TP73: variants seen among roughly 807,000 people sequenced by gnomAD.
The protein encoded by TP73 is tumor protein p73, also known as p53-like transcription factor.
In TP73, 25 loss-of-function variants were observed where a neutral mutation model predicts 62.5. The ratio of observed to expected loss-of-function variants is 0.40; its 90% CI spans 0.29 to 0.56. The LOEUF is 0.56. Among genes scored for constraint, TP73 ranks in the 20% least tolerant of loss-of-function variants. The probability of loss-of-function intolerance (pLI) is 0.46; values close to 1 mark genes in which losing one functional copy is unlikely to be tolerated. For missense variants in TP73, 754 were observed against 913.3 expected, an observed-to-expected ratio of 0.83 and a Z score of 2.25; for synonymous variants, 423 against 377.5, an observed-to-expected ratio of 1.12 and a Z score of -1.40.
At chr1:3,686,836 A>G (rs774827523) in intron 3 of TP73, among the ~76,000 whole-genome samples, 2 of 152,154 alleles carry the variant, frequency 1.3e-5, no homozygotes, top group Non-Finnish European at 1.5e-5. Context: ...AAAGAATTAC[A>G]TAGCCCTCTG....
chr1:3,674,549 C>T (rs886619621), intron 1 of TP73, among the ~76,000 whole-genome samples: 2 of 152,246 alleles, frequency 1.3e-5, no homozygotes, highest in Non-Finnish European at 2.9e-5. Flanking sequence ...GCCGTCCTGG[C>T]AACCCTGTCT....
chr1:3,671,553 G>A lies in TP73; in HGVS notation c.-33-10780G>A, dbSNP rs12023175. The stretch of plus-strand genomic sequence containing the variant: ...TCGTTGTCTGCCCTGCAGGAGCCGG[G>A]GCCTCCAGAGGACGGGCTGCCTGGC... On this transcript the variant is annotated intron_variant, in intron 1 of 13. Coordinates refer to ENST00000378295, the MANE Select transcript of TP73 (RefSeq NM_005427.4). Among the ~76,000 whole-genome samples, 139 of 152,348 alleles carry A rather than the reference G, an allele frequency of 9.1e-4. 4 individuals are homozygous for A. In the East Asian group the frequency reaches 0.026, roughly 28 times the overall value.
At position 3,728,199 on chromosome 1, in the gene TP73, G is replaced by A; in HGVS notation, c.1056G>A (p.Glu352=). The change falls in exon 9 of 14, where the codon GAG becomes GAA. Residue 352 remains glutamate (E), a synonymous_variant. Coordinates refer to ENST00000378295, the MANE Select transcript of TP73 (RefSeq NM_005427.4). The stretch of plus-strand genomic sequence containing the variant: ...TGAAGAAGCGGCGGCATGGAGACGA[G>A]GACACGTACTACCTTCAGGTGAGTG... ...AGVKKRRHGD[E]DTYYLQVRGR... 6.2e-7 allele frequency: 1 copy of A among 1,611,938 alleles called. No homozygotes were observed. The highest frequency in any genetic ancestry group is 8.5e-7 in the Non-Finnish European group (1 of 1,179,962).
At chr1:3,709,891 G>A (rs1236697358) in intron 4 of TP73, among the ~76,000 whole-genome samples, 1 of 152,196 alleles carries the variant, frequency 6.6e-6, no homozygotes, top group Non-Finnish European at 1.5e-5. Context: ...CATGTGGTCT[G>A]AGCTGATCCT....
In TP73 at chr1:3,707,653, G is replaced by A. The variant is rs772149346; in HGVS notation, c.291G>A (p.Ser97=). The change falls in exon 4 of 14, where the codon TCG becomes TCA. Residue 97 remains serine, a synonymous_variant. Coordinates refer to ENST00000378295, the MANE Select transcript of TP73 (RefSeq NM_005427.4). ...ACGCCGCCAGCGTGCCCACCCACTC[G>A]CCCTACGCACAACCCAGCTCCACCT... is the stretch of plus-strand genomic sequence containing the variant. The part of the protein sequence containing the change: ...PEHAASVPTH[S]PYAQPSSTFD... 5.1e-5 allele frequency: 83 copies of A among 1,613,000 alleles called. No homozygotes were observed. The highest frequency in any genetic ancestry group is 1.8e-4 in the Admixed American group (11 of 59,996).
chr1:3,706,008 C>T (rs143473307), intron 3 of TP73, among the ~76,000 whole-genome samples: 55 of 152,278 alleles, frequency 3.6e-4, no homozygotes, highest in African/African-American at 9.6e-4. Context: ...GGGCAGTGCA[C>T]GTTTTGTTTT....
chr1:3,733,099 C>G lies in TP73; in HGVS notation c.*20C>G. 2 of 1,512,308 alleles carry G rather than the reference C, an allele frequency of 1.3e-6. No individual in the cohort carries two copies. Among genetic ancestry groups the G allele is most frequent in the Non-Finnish European group, 1.8e-6 (2 of 1,131,344 alleles). 93.7% of individuals were successfully genotyped at this position (1,512,308 alleles called of 1,614,324 possible). ...CACTGAGGGCCTCGCCTGGCTGCAG[C>G]CTGCGCCACCGCCCAGAGACCCAAG... is the stretch of plus-strand genomic sequence containing the variant. On this transcript the variant is annotated 3_prime_UTR_variant, in exon 14 of 14. Coordinates refer to ENST00000378295, the MANE Select transcript of TP73 (RefSeq NM_005427.4).
intron 3 of TP73, among the ~76,000 whole-genome samples, chr1:3,700,458 AG>A (rs1639065024): frequency 1.2e-5 from 1 of 80,606 alleles, no homozygotes; most frequent in South Asian, 4.0e-4. Context: ...GGAGTGGACT[AG>A]GGGGGAACAG....
At chr1:3,661,874 AT>A (rs539026054) in intron 1 of TP73, among the ~76,000 whole-genome samples, 1,707 of 147,596 alleles carry the variant, frequency 0.012, 38 homozygotes, top group African/African-American at 0.04. Context: ...CACAATATAT[AT>A]TTTTTATTTT....
At chr1:3,710,392 G>T (rs1460543742) in intron 4 of TP73, among the ~76,000 whole-genome samples, 2 of 152,158 alleles carry the variant, frequency 1.3e-5, no homozygotes, top group Non-Finnish European at 2.9e-5. Context: ...GCAGGCAAGT[G>T]GTCGGCTCAC....
chr1:3,690,675 T>G, intron 3 of TP73: 1 of 1,409,396 alleles, frequency 7.1e-7, no homozygotes, highest in Non-Finnish European at 9.2e-7. Context: ...TGTTGTTGGA[T>G]TCAGCCAGTT....
At chr1:3,714,474 G>T (rs1640426681) in intron 4 of TP73, among the ~76,000 whole-genome samples, 1 of 152,362 alleles carries the variant, frequency 6.6e-6, no homozygotes, top group East Asian at 1.9e-4. Flanking sequence ...GGCAAGGATG[G>T]TGGGGGCTTC....
chr1:3,695,543 C>T (rs945033889), intron 3 of TP73, among the ~76,000 whole-genome samples: 17 of 152,346 alleles, frequency 1.1e-4, no homozygotes, highest in African/African-American at 3.4e-4. Flanking sequence ...AGGAGCAGCA[C>T]GGACGGATCT....
intron 4 of TP73, among the ~76,000 whole-genome samples, chr1:3,718,646 C>G (rs573452130): frequency 6.6e-6 from 1 of 152,104 alleles, no homozygotes; most frequent in Non-Finnish European, 1.5e-5. Flanking sequence ...CGACGGCTGC[C>G]GGGGCCTCTG....
intron 4 of TP73, among the ~76,000 whole-genome samples, chr1:3,719,480 C>T (rs1640885028): frequency 6.6e-6 from 1 of 152,366 alleles, no homozygotes; most frequent in Middle Eastern, 3.4e-3. Context: ...CCAACCAGCA[C>T]AGATGGAGAC....
At position 3,707,636 on chromosome 1, in the gene TP73, A is replaced by G; in HGVS notation, c.274A>G (p.Ser92Gly). 1 of 1,612,822 alleles carries G rather than the reference A, an allele frequency of 6.2e-7. No individual in the cohort carries two copies. Among genetic ancestry groups the G allele is most frequent in the African/African-American group, 1.3e-5 (1 of 74,994 alleles). ...ASPYTPEHAA[S>G]VPTHSPYAQP... ...CCCCTACACCCCAGAGCACGCCGCC[A>G]GCGTGCCCACCCACTCGCCCTACGC... is the stretch of plus-strand genomic sequence containing the variant. The change falls in exon 4 of 14, where the codon AGC becomes GGC. Residue 92 changes from serine (S) to glycine (G), a missense_variant. Ser to Gly is a moderately conservative substitution (Grantham distance 56). Coordinates refer to ENST00000378295, the MANE Select transcript of TP73 (RefSeq NM_005427.4).
intron 3 of TP73, chr1:3,690,782 C>G: frequency 6.6e-7 from 1 of 1,515,360 alleles, no homozygotes; most frequent in Non-Finnish European, 8.9e-7. Context: ...TGCGGAGCCT[C>G]TCCCGCTCGG....
At chr1:3,675,831 C>A (rs548053308) in intron 1 of TP73, among the ~76,000 whole-genome samples, 1 of 152,100 alleles carries the variant, frequency 6.6e-6, no homozygotes, top group Non-Finnish European at 1.5e-5. Flanking sequence ...GGGGAACTGA[C>A]GAGGCCTTAC....
intron 6 of TP73, among the ~76,000 whole-genome samples, chr1:3,726,282 G>A (rs1281753669): frequency 2.5e-5 from 2 of 80,332 alleles, no homozygotes; most frequent in Admixed American, 2.2e-4. Flanking sequence ...ATGTGTGGGT[G>A]GGTGGGTGGA....
Sources: allele counts gnomAD v4.1 joint callset (sites outside exome capture counted in the v4.1 genomes callset), GRCh38; gene constraint gnomAD v4.1.1; transcripts MANE v1.5; gene names NCBI Gene and HGNC (gene_info 2026-07-23, HGNC 2026-07-21).